The following MSH3 variants were observed in gnomAD, a reference collection of about 807,000 sequenced individuals.
MSH3 encodes DNA mismatch repair protein Msh3.
Under a neutral mutation model 123.3 loss-of-function variants are expected in MSH3, and 106 were observed. The ratio of observed to expected loss-of-function variants is 0.86; its 90% CI spans 0.73 to 1.01. MSH3 has a LOEUF of 1.01. Ranked by LOEUF, MSH3 falls within the 50% of genes least tolerant of loss-of-function variation. The pLI is 0.00. For synonymous variants in MSH3, 515 were observed against 481.4 expected, an observed-to-expected ratio of 1.07 and a Z score of -0.91; for missense variants, 1,459 against 1,347.6, an observed-to-expected ratio of 1.08 and a Z score of -1.29.
At chr5:80,699,207 T>C (rs1481385478) in intron 8 of MSH3, among the ~76,000 whole-genome samples, 3 of 152,192 alleles carry the variant, frequency 2.0e-5, no homozygotes, top group Admixed American at 6.5e-5. Flanking sequence ...AAGAGAATAA[T>C]GGGTATCTCC....
intron 12 of MSH3, 84 bp from the exon 13 acceptor site, chr5:80,761,462 C>G: frequency 1.3e-6 from 2 of 1,528,474 alleles, no homozygotes; most frequent in Non-Finnish European, 1.8e-6. Context: ...GTGGCTGTGT[C>G]ACATTCCTGG....
At chr5:80,783,029 G>A (rs1242017955) in intron 17 of MSH3, among the ~76,000 whole-genome samples, 1 of 152,004 alleles carries the variant, frequency 6.6e-6, no homozygotes, top group Non-Finnish European at 1.5e-5. Context: ...CTTCTCAATT[G>A]CAAATTATTT....
At chr5:80,774,711 C>T (rs1744270002) in intron 15 of MSH3, among the ~76,000 whole-genome samples, 1 of 152,098 alleles carries the variant, frequency 6.6e-6, no homozygotes, top group African/African-American at 2.4e-5. Flanking sequence ...AAGCCAGGTG[C>T]AGAAAGACAA....
intron 8 of MSH3, among the ~76,000 whole-genome samples, chr5:80,717,724 T>C (rs1213664525): frequency 6.6e-6 from 1 of 152,222 alleles, no homozygotes; most frequent in Non-Finnish European, 1.5e-5. Flanking sequence ...AAATATGTCA[T>C]TGTGGTTTTG....
chr5:80,845,880 C>T (rs1328858933), intron 20 of MSH3, among the ~76,000 whole-genome samples: 2 of 152,040 alleles, frequency 1.3e-5, no homozygotes, highest in African/African-American at 2.4e-5. Flanking sequence ...TTTGTTATTA[C>T]CGACCTTCTG....
chr5:80,872,970 T>G, intron 22 of MSH3, 146 bp from the exon 23 acceptor site: 1 of 739,050 alleles, frequency 1.4e-6, no homozygotes, highest in Non-Finnish European at 2.3e-6. Flanking sequence ...CATATCAAAT[T>G]GATAAATGGA....
At chr5:80,837,960 G>C (rs977246885) in intron 20 of MSH3, among the ~76,000 whole-genome samples, 3 of 152,224 alleles carry the variant, frequency 2.0e-5, no homozygotes, top group Non-Finnish European at 2.9e-5. Flanking sequence ...GCTGTAGGCT[G>C]GGGACTGCTC....
At chr5:80,790,899 A>C (rs896943310) in intron 18 of MSH3, among the ~76,000 whole-genome samples, 2 of 152,240 alleles carry the variant, frequency 1.3e-5, no homozygotes, top group Non-Finnish European at 2.9e-5. Flanking sequence ...TTCATGTATC[A>C]GCAAAATCTG....
At chr5:80,800,040 A>C (rs1270600836) in intron 19 of MSH3, among the ~76,000 whole-genome samples, 1 of 152,206 alleles carries the variant, frequency 6.6e-6, no homozygotes, top group East Asian at 1.9e-4. Context: ...AGTTATCACA[A>C]GTTTTGACTC....
Position 80,679,039 on chromosome 5 carries a change from C to T in MSH3, c.1286C>T (p.Pro429Leu), listed in dbSNP as rs768726273. The change falls in exon 8 of 24, where the codon CCT becomes CTT. Residue 429 changes from proline (P) to leucine (L), a missense_variant. Transcript: ENST00000265081. ...SSLQPVELLLPSALSEQTEAL... is the reference protein window; with the variant it reads ...SSLQPVELLLLSALSEQTEAL... ...CTGCAGCCAGTAGAGCTGCTGCTTC[C>T]TTCGGCCTTGTCCGAGCAAACAGAG... 1.9e-6 allele frequency: 3 copies of T among 1,614,038 alleles called. No homozygotes were observed. Among genetic ancestry groups the T allele is most frequent in the African/African-American group, 2.7e-5 (2 of 74,920 alleles).
Position 80,664,930 on chromosome 5 carries a change from G to C in MSH3, c.359-213G>C, listed in dbSNP as rs6151611. Among the ~76,000 whole-genome samples, 824 of 151,922 alleles carry C rather than the reference G, an allele frequency of 5.4e-3. 6 individuals are homozygous for C. The highest frequency in any genetic ancestry group is 0.019 in the African/African-American group (783 of 41,440). On this transcript the variant is annotated intron_variant, in intron 2 of 23. Transcript: ENST00000265081. The stretch of plus-strand genomic sequence containing the variant: ...AAAAAAACCTCTACTATAGTAATGA[G>C]GTTTCAGGAATGAGTGAAATTGCAT...
Position 80,792,747 on chromosome 5 carries a change from A to G in MSH3, c.2558A>G (p.Glu853Gly), listed in dbSNP as rs751542454. 1.9e-6 allele frequency: 3 copies of G among 1,611,232 alleles called. No individual in the cohort carries two copies. The highest frequency in any genetic ancestry group is 2.2e-5 in the South Asian group (2 of 90,972). ...CTTTTTTGCAGACCAACTGTACAAGAAGAAAGAAAAATTGTAATAAAAAAT... is the reference window on the plus strand; with the variant it reads ...CTTTTTTGCAGACCAACTGTACAAGGAGAAAGAAAAATTGTAATAAAAAAT... ...QGDYCRPTVQ[E>G]ERKIVIKNGR... is the part of the protein sequence containing the mutation. Residue 853 changes from glutamate (E) to glycine (G), a missense_variant, in exon 19 of 24, where the codon GAA (glutamate) becomes GGA (glycine). Transcript: ENST00000265081.
At chr5:80,738,808 A>T (rs1329117358) in intron 10 of MSH3, among the ~76,000 whole-genome samples, 1 of 152,242 alleles carries the variant, frequency 6.6e-6, no homozygotes, top group Non-Finnish European at 1.5e-5. Context: ...CTGTGGATAT[A>T]TTAAGAAGGG....
chr5:80,842,962 A>G (rs781356595), intron 20 of MSH3, among the ~76,000 whole-genome samples: 12 of 152,156 alleles, frequency 7.9e-5, no homozygotes, highest in Non-Finnish European at 1.8e-4. Flanking sequence ...GGGGTGAGAG[A>G]GAGCATCCTT....
At chr5:80,823,384 C>G (rs1417633624) in intron 20 of MSH3, among the ~76,000 whole-genome samples, 1 of 152,140 alleles carries the variant, frequency 6.6e-6, no homozygotes, top group Non-Finnish European at 1.5e-5. Flanking sequence ...GGGCAAATAT[C>G]TCTTTCCTAC....
intron 19 of MSH3, among the ~76,000 whole-genome samples, chr5:80,809,127 CATTT>C (rs1744961965): frequency 6.6e-6 from 1 of 151,554 alleles, no homozygotes; most frequent in African/African-American, 2.4e-5. Flanking sequence ...AAAATTATAG[CATTT>C]ATAGTTTCAA....
intron 8 of MSH3, among the ~76,000 whole-genome samples, chr5:80,697,743 A>G (rs570354419): frequency 1.3e-5 from 2 of 152,310 alleles, no homozygotes; most frequent in East Asian, 1.9e-4. Context: ...AGAGAAATAT[A>G]GATGAATTTG....
intron 20 of MSH3, among the ~76,000 whole-genome samples, chr5:80,839,481 A>C (rs2112088636): frequency 6.6e-6 from 1 of 152,374 alleles, no homozygotes. Context: ...GATAGTAATG[A>C]AAATAAGCAG....
chr5:80,678,813 T>A, intron 7 of MSH3, 114 bp from the exon 8 acceptor site: 1 of 1,130,186 alleles, frequency 8.8e-7, no homozygotes, highest in Non-Finnish European at 1.3e-6. Context: ...AGAAATAGAG[T>A]ACATACATAC....
Sources: gnomAD v4.1 joint callset for allele counts (sites outside exome capture counted in the v4.1 genomes callset) on GRCh38, gnomAD v4.1.1 for gene constraint, MANE v1.5 for transcripts, NCBI Gene and HGNC (gene_info 2026-07-23, HGNC 2026-07-21) for gene names.